FNDC3A: variants seen among roughly 807,000 people sequenced by gnomAD.
FNDC3A encodes fibronectin type III domain containing 3A.
Under a neutral mutation model 148.9 loss-of-function variants are expected in FNDC3A, and 32 were observed. The ratio of observed to expected loss-of-function variants is 0.21; its 90% CI spans 0.16 to 0.29. The LOEUF (loss-of-function observed/expected upper bound fraction) is 0.29. FNDC3A is among the 10% of genes least tolerant of loss of function. The pLI, the probability that FNDC3A is intolerant of heterozygous loss-of-function variation, is 1.00. For synonymous variants in FNDC3A, 472 were observed against 473.6 expected (o/e 1.00, Z 0.04); for missense variants, 1,191 against 1,452.8 (o/e 0.82, Z 2.93).
chr13:49,047,834 T>C (rs2137703981), intron 2 of FNDC3A, among the ~76,000 whole-genome samples: 1 of 152,358 alleles, frequency 6.6e-6, no homozygotes, highest in South Asian at 2.1e-4. Context: ...TTATTGCATT[T>C]GCTTTTGGGT....
intron 2 of FNDC3A, chr13:49,046,256 C>G (rs954202339): frequency 6.4e-6 from 1 of 156,794 alleles, no homozygotes; most frequent in African/African-American, 2.4e-5. Flanking sequence ...GCTTTGTTGC[C>G]CTTAGTAACA....
At chr13:49,118,565 G>A (rs1051093664) in intron 4 of FNDC3A, among the ~76,000 whole-genome samples, 17 of 152,322 alleles carry the variant, frequency 1.1e-4, no homozygotes, top group Admixed American at 9.2e-4. Flanking sequence ...TAGCTCAGCG[G>A]ATCCTACCTC....
intron 8 of FNDC3A, among the ~76,000 whole-genome samples, chr13:49,161,728 T>C (rs1225314244): frequency 6.6e-6 from 1 of 152,250 alleles, no homozygotes; most frequent in African/African-American, 2.4e-5. Flanking sequence ...TGGCATGTTT[T>C]GCAGTGGCTG....
intron 4 of FNDC3A, among the ~76,000 whole-genome samples, chr13:49,118,134 C>T (rs1305912574): frequency 6.6e-6 from 1 of 152,100 alleles, no homozygotes; most frequent in African/African-American, 2.4e-5. Flanking sequence ...CTAGTCTTAT[C>T]GTTTTTTAGT....
intron 10 of FNDC3A, among the ~76,000 whole-genome samples, chr13:49,170,329 T>C (rs1349661513): frequency 6.6e-6 from 1 of 152,166 alleles, no homozygotes; most frequent in East Asian, 1.9e-4. Flanking sequence ...TATTTAATAT[T>C]AAAAATGAAG....
chr13:49,124,355 A>T (rs185588408), intron 4 of FNDC3A, among the ~76,000 whole-genome samples: 1 of 152,176 alleles, frequency 6.6e-6, no homozygotes, highest in East Asian at 1.9e-4. Flanking sequence ...ATGGGGAGCT[A>T]GGGGAGGGAT....
intron 4 of FNDC3A, among the ~76,000 whole-genome samples, chr13:49,120,031 G>A (rs1281620846): frequency 3.3e-5 from 5 of 152,006 alleles, no homozygotes; most frequent in Non-Finnish European, 5.9e-5. Context: ...CCCAAGACAC[G>A]TAATTGTCAG....
intron 12 of FNDC3A, among the ~76,000 whole-genome samples, 192 bp downstream of exon 12, chr13:49,174,751 A>G (rs1481760497): frequency 1.3e-5 from 2 of 152,240 alleles, no homozygotes; most frequent in East Asian, 3.8e-4. Flanking sequence ...CACAGGAAAC[A>G]TTAAACTTAC....
chr13:49,170,243 C>T (rs901447683), intron 10 of FNDC3A, among the ~76,000 whole-genome samples: 8 of 151,942 alleles, frequency 5.3e-5, no homozygotes, highest in African/African-American at 1.2e-4. Flanking sequence ...ACCTCAGAGT[C>T]GGGAGGATTA....
At chr13:49,084,782 T>C (rs1223203554) in intron 3 of FNDC3A, among the ~76,000 whole-genome samples, 2 of 152,174 alleles carry the variant, frequency 1.3e-5, no homozygotes, top group Admixed American at 1.3e-4. Flanking sequence ...CCTTTTGGTT[T>C]CAAGTGGCTC....
rs1427212048 is a variant in FNDC3A at position 49,174,533 on chromosome 13, A to T, written c.1329A>T (p.Leu443=). ...LSPAMGCKFR[L]SARNDYGTSG... is the part of the protein sequence containing the mutation. ...CAGCAATGGGCTGTAAATTCAGACT[A>T]TCGGCCAGAAATGACTATGGTACAA... The change falls in exon 12 of 26, where the codon CTA becomes CTT. Residue 443 remains leucine, a synonymous_variant. Transcript: ENST00000492622. The T allele has an allele frequency of 2.5e-6, 4 of 1,612,824 alleles. No homozygotes were observed. Among genetic ancestry groups the T allele is most frequent in the South Asian group, 2.2e-5 (2 of 91,008 alleles).
intron 2 of FNDC3A, among the ~76,000 whole-genome samples, chr13:49,064,606 C>T (rs556710753): frequency 1.3e-5 from 2 of 152,122 alleles, no homozygotes; most frequent in South Asian, 2.1e-4. Context: ...GGAGAGGATA[C>T]GTCATCACAT....
chr13:49,144,975 A>G (rs1882912253), intron 7 of FNDC3A, among the ~76,000 whole-genome samples: 1 of 152,178 alleles, frequency 6.6e-6, no homozygotes, highest in Non-Finnish European at 1.5e-5. Context: ...TAATATGTTC[A>G]TAGGCTGTGT....
chr13:49,074,943 A>G (rs1279468577), intron 2 of FNDC3A, among the ~76,000 whole-genome samples: 3 of 152,188 alleles, frequency 2.0e-5, no homozygotes, highest in African/African-American at 7.2e-5. Context: ...ATCAGTTTAT[A>G]CTTTAGAAAA....
rs1178255817 is a variant in FNDC3A, at chr13:49,019,885, G to A, written c.99+13596G>A. ...TTTCTTATTCTTTGGTTAAATTTGT[G>A]TTTGTTTAAAATTGTTTCTTCCTCA... On this transcript the variant is annotated intron_variant, in intron 2 of 25. Coordinates refer to ENST00000492622, the MANE Select transcript of FNDC3A (RefSeq NM_001079673.2). Among the ~76,000 whole-genome samples the A allele has an allele frequency of 6.6e-5, 10 of 152,106 alleles. No homozygotes were observed. The South Asian group carries it at 2.1e-3, about 31-fold the overall frequency.
intron 25 of FNDC3A, among the ~76,000 whole-genome samples, chr13:49,204,325 C>T (rs1886550939): frequency 6.6e-6 from 1 of 152,146 alleles, no homozygotes; most frequent in Non-Finnish European, 1.5e-5. Flanking sequence ...CTGATTTTCC[C>T]TTTTTCCTGT....
chr13:49,144,061 G>A (rs1882856444), intron 7 of FNDC3A, among the ~76,000 whole-genome samples: 1 of 151,284 alleles, frequency 6.6e-6, no homozygotes. Context: ...TAAAGTAGAT[G>A]CCAGTTAATG....
At chr13:49,055,254 C>G (rs759225332) in intron 2 of FNDC3A, among the ~76,000 whole-genome samples, 1 of 152,068 alleles carries the variant, frequency 6.6e-6, no homozygotes, top group Non-Finnish European at 1.5e-5. Context: ...CAAGCATGCA[C>G]CACTACACCC....
At chr13:49,053,430 GAC>G (rs1450895048) in intron 2 of FNDC3A, among the ~76,000 whole-genome samples, 1 of 152,186 alleles carries the variant, frequency 6.6e-6, no homozygotes, top group Non-Finnish European at 1.5e-5. Context: ...CATGACTCAT[GAC>G]ACAGCCTCAG....
Sources: allele counts gnomAD v4.1 joint callset (sites outside exome capture counted in the v4.1 genomes callset), GRCh38; gene constraint gnomAD v4.1.1; transcripts MANE v1.5; gene names NCBI Gene and HGNC (gene_info 2026-07-23, HGNC 2026-07-21).